ANKDD1A: variants seen among roughly 807,000 people sequenced by gnomAD.
ANKDD1A encodes ankyrin repeat and death domain containing 1A, also known as ankyrin repeat and death domain-containing protein 1A.
In ANKDD1A, 59 loss-of-function variants were observed where a neutral mutation model predicts 63.5. The ratio of observed to expected loss-of-function variants is 0.93; its 90% confidence interval spans 0.75 to 1.15. The LOEUF (loss-of-function observed/expected upper bound fraction) is 1.15. Ranked by LOEUF, ANKDD1A falls within the 50% of genes most tolerant of loss-of-function variation. The pLI is 0.00. For synonymous variants in ANKDD1A, 266 were observed against 263.9 expected (o/e 1.01, Z -0.08); for missense variants, 632 against 656.4 (o/e 0.96, Z 0.41).
At chr15:64,918,082 G>T (rs889477114) in intron 3 of ANKDD1A, among the ~76,000 whole-genome samples, 3 of 152,208 alleles carry the variant, frequency 2.0e-5, no homozygotes, top group Non-Finnish European at 4.4e-5. Context: ...AAAAAAAAGC[G>T]CCTGGGCGCG....
chr15:64,921,686 T>C (rs1362690254), intron 3 of ANKDD1A, among the ~76,000 whole-genome samples: 2 of 152,226 alleles, frequency 1.3e-5, no homozygotes. Flanking sequence ...GCAGCTGTCT[T>C]ATTTTTAAGT....
intron 14 of ANKDD1A, among the ~76,000 whole-genome samples, chr15:64,952,501 T>TTCTTA (rs2085309963): frequency 1.1e-5 from 1 of 92,376 alleles, no homozygotes; most frequent in African/African-American, 4.1e-5. Context: ...CACCGTCTTC[T>TTCTTA]CCTTCTTCTT....
In ANKDD1A at chr15:64,911,964, C is replaced by G; in HGVS notation, c.34C>G (p.Leu12Val). 1 of 1,243,162 alleles carries G rather than the reference C, an allele frequency of 8.0e-7. No homozygotes were observed. The highest frequency in any genetic ancestry group is 1.0e-6 in the Non-Finnish European group (1 of 986,896). The allele number at this position is 1,243,162 out of a possible 1,614,324, so 77.0% of individuals were successfully genotyped here. Residue 12 changes from leucine to valine, a missense_variant and splice_region_variant, in exon 1 of 15, where the codon CTG becomes GTG. Leu to Val is a conservative substitution (Grantham distance 32). Transcript: ENST00000319580. The part of the protein sequence containing the change: ...QEELAWETDG[L>V]LPLERQLHEA... ...GGAGCTGGCGTGGGAGACCGACGGCCGTGAGTCTGCCTGGAGGAGGGAGGG... is the reference window on the plus strand; with the variant it reads ...GGAGCTGGCGTGGGAGACCGACGGCGGTGAGTCTGCCTGGAGGAGGGAGGG...
Position 64,915,805 on chromosome 15 carries a change from C to T in ANKDD1A, c.43C>T (p.Leu15=), listed in dbSNP as rs1567108994. 1.2e-6 allele frequency: 2 copies of T among 1,613,872 alleles called. No individual in the cohort carries two copies. Among genetic ancestry groups the T allele is most frequent in the Admixed American group, 1.7e-5 (1 of 59,992 alleles). The change falls in exon 2 of 15, where the codon CTG becomes TTG. Residue 15 remains leucine, a synonymous_variant. Coordinates refer to ENST00000319580, the MANE Select transcript of ANKDD1A (RefSeq NM_182703.6). ...CCATTTTCTCCCCACAGTGCTTCCT[C>T]TGGAGAGGCAGCTCCACGAGGCCGC... ...LAWETDGLLP[L]ERQLHEAARQ...
intron 14 of ANKDD1A, among the ~76,000 whole-genome samples, chr15:64,953,610 C>CTTAGT (rs1254763297): frequency 1.4e-3 from 7 of 4,926 alleles, no homozygotes; most frequent in East Asian, 0.018. Context: ...CTTCTTTCTT[C>CTTAGT]TCTCCTTCTT....
In ANKDD1A at chr15:64,934,322, C is replaced by T. The variant is rs552900766; in HGVS notation, c.867+88C>T. The T allele has an allele frequency of 1.2e-5, 15 of 1,297,936 alleles. No individual in the cohort carries two copies. In the East Asian group the frequency reaches 2.5e-4, roughly 22 times the overall value. The allele number at this position is 1,297,936 out of a possible 1,614,324, so 80.4% of individuals were successfully genotyped here. A position where few individuals can be genotyped will look rare whatever the true frequency, so the allele number is the denominator to read the frequency against. On this transcript the variant is annotated intron_variant, in intron 9 of 14. Coordinates refer to ENST00000319580, the MANE Select transcript of ANKDD1A (RefSeq NM_182703.6). ...GAAGCACAGGGAGAAACAGGCACAT[C>T]GGATCCTTGGGGTTGGGGTGCGGAC... is the stretch of plus-strand genomic sequence containing the variant.
chr15:64,944,624 G>A, intron 11 of ANKDD1A, 28 bp from the exon 12 acceptor site: 7 of 1,606,604 alleles, frequency 4.4e-6, no homozygotes, highest in Non-Finnish European at 6.0e-6. Flanking sequence ...TAGAAACTCT[G>A]GCTTCTCTTC....
intron 14 of ANKDD1A, among the ~76,000 whole-genome samples, chr15:64,953,990 CCTTTCT>C (rs1477088456): frequency 2.4e-4 from 27 of 112,846 alleles, no homozygotes; most frequent in Admixed American, 2.2e-3. Context: ...CTATCTTCTT[CCTTTCT>C]TTCCTTTCTT....
intron 9 of ANKDD1A, among the ~76,000 whole-genome samples, chr15:64,941,072 C>T (rs1242648175): frequency 6.6e-6 from 1 of 152,100 alleles, no homozygotes; most frequent in African/African-American, 2.4e-5. Flanking sequence ...TCTTTTATAT[C>T]CCTCAGTGAT....
chr15:64,953,623 T>TC (rs144665792), intron 14 of ANKDD1A, among the ~76,000 whole-genome samples: 1 of 93,828 alleles, frequency 1.1e-5, no homozygotes, highest in Non-Finnish European at 2.3e-5. Context: ...TCCTTCTTCT[T>TC]CTTCTTCCTT....
At chr15:64,925,381 A>C (rs1040217395) in intron 4 of ANKDD1A, among the ~76,000 whole-genome samples, 1 of 152,102 alleles carries the variant, frequency 6.6e-6, no homozygotes, top group Non-Finnish European at 1.5e-5. Context: ...ACCTTAATAC[A>C]AGGCAGGAGT....
At chr15:64,953,959 CTTTT>C (rs1382918011) in intron 14 of ANKDD1A, among the ~76,000 whole-genome samples, 1 of 104,066 alleles carries the variant, frequency 9.6e-6, no homozygotes, top group Non-Finnish European at 1.9e-5. Flanking sequence ...TCTATTGTTT[CTTTT>C]TTTCTTCTTT....
In ANKDD1A at chr15:64,949,920, C is replaced by A. The variant is rs750628910; in HGVS notation, c.1431C>A (p.Pro477=). Reference sequence around the variant, plus strand: ...GCGTGGCCACGGCTGGTGAGAACCCCAGCAAAGCGCTGTTCGAGGGCCTCG... The same window carrying A: ...GCGTGGCCACGGCTGGTGAGAACCCAAGCAAAGCGCTGTTCGAGGGCCTCG... ...LHGVATAGEN[P]SKALFEGLVA... is the part of the protein sequence containing the mutation. The change falls in exon 14 of 15, where the codon CCC becomes CCA. Residue 477 remains proline, a synonymous_variant. Coordinates refer to ENST00000319580, the MANE Select transcript of ANKDD1A (RefSeq NM_182703.6). The A allele has an allele frequency of 6.2e-7, 1 of 1,609,202 alleles. No individual in the cohort carries two copies. The highest frequency in any genetic ancestry group is 2.2e-5 in the East Asian group (1 of 44,890).
intron 12 of ANKDD1A, 128 bp downstream of exon 12, chr15:64,944,875 C>T (rs986043632): frequency 4.9e-6 from 4 of 824,668 alleles, no homozygotes; most frequent in Admixed American, 5.4e-5. Flanking sequence ...GTGATAATCA[C>T]CACCTTGTAT....
intron 14 of ANKDD1A, among the ~76,000 whole-genome samples, chr15:64,952,116 TTTCTTCTC>T (rs2085298663): frequency 4.0e-3 from 48 of 11,998 alleles, no homozygotes; most frequent in East Asian, 0.025. Context: ...TTTCTTCTTC[TTTCTTCTC>T]TTTCTTCTTC....
intron 3 of ANKDD1A, among the ~76,000 whole-genome samples, chr15:64,918,175 T>C (rs1719261): frequency 0.84 from 128,601 of 152,292 alleles, 54,652 homozygotes; most frequent in East Asian, 0.98. Flanking sequence ...CGAGCCTGGA[T>C]GACACGGCGA....
At chr15:64,951,302 C>CTTTTCTTCTCTTCTTCTTCTTTTA in intron 14 of ANKDD1A, 1 of 863,874 alleles carries the variant, frequency 1.2e-6, no homozygotes, top group Non-Finnish European at 1.4e-6. Context: ...TCTTCTTCTT[C>CTTTTCTTCTCTTCTTCTTCTTTTA]TTCTCTTCTT....
At chr15:64,947,622 CA>C in intron 13 of ANKDD1A, 29 bp downstream of exon 13, 1 of 1,609,082 alleles carries the variant, frequency 6.2e-7, no homozygotes, top group Non-Finnish European at 8.5e-7. Context: ...TCGCCCTAAG[CA>C]ACCATTGGGC....
rs2084934452 is a variant in ANKDD1A at position 64,911,965 on chromosome 15, G to A, written c.34+1G>A. 2.7e-6 allele frequency: 3 copies of A among 1,121,370 alleles called. No homozygotes were observed. Among genetic ancestry groups the A allele is most frequent in the Non-Finnish European group, 3.4e-6 (3 of 891,068 alleles). The allele number at this position is 1,121,370 out of a possible 1,614,324, so 69.5% of individuals were successfully genotyped here. On this transcript the variant is annotated splice_donor_variant, in intron 1 of 14. Transcript: ENST00000319580. LOFTEE classifies it high-confidence loss of function. The stretch of plus-strand genomic sequence containing the variant: ...GAGCTGGCGTGGGAGACCGACGGCC[G>A]TGAGTCTGCCTGGAGGAGGGAGGGG...
Sources: gnomAD v4.1 joint callset for allele counts (sites outside exome capture counted in the v4.1 genomes callset) on GRCh38, gnomAD v4.1.1 for gene constraint, MANE v1.5 for transcripts, NCBI Gene and HGNC (gene_info 2026-07-23, HGNC 2026-07-21) for gene names.